Variants in UGGT2 observed in about 807,000 individuals in gnomAD.
UGGT2 encodes the protein UDP-glucose glycoprotein glucosyltransferase 2, also known as UDP-glucose:glycoprotein glucosyltransferase 2.
Under a neutral mutation model 192.1 loss-of-function variants are expected in UGGT2, and 180 were observed. The ratio of observed to expected loss-of-function variants is 0.94; its 90% confidence interval spans 0.83 to 1.06. UGGT2 has a LOEUF of 1.06. UGGT2 is among the 50% of genes least tolerant of loss of function. The probability of loss-of-function intolerance (pLI) is 0.00; values close to 1 mark genes in which losing one functional copy is unlikely to be tolerated. For missense variants in UGGT2, 1,849 were observed against 1,795.7 expected (o/e 1.03, Z -0.54); for synonymous variants, 580 against 591.0 (o/e 0.98, Z 0.27).
At chr13:96,051,077 C>T (rs1315302077) in intron 1 of UGGT2, among the ~76,000 whole-genome samples, 3 of 152,134 alleles carry the variant, frequency 2.0e-5, no homozygotes, top group African/African-American at 7.2e-5. Context: ...GACTTGGAAC[C>T]AACCCAAATG....
At chr13:95,815,342 C>A (rs1334802672) in intron 38 of UGGT2, among the ~76,000 whole-genome samples, 1 of 152,034 alleles carries the variant, frequency 6.6e-6, no homozygotes, top group Non-Finnish European at 1.5e-5. Context: ...ATAACAGGAC[C>A]CATTATGAAA....
intron 38 of UGGT2, among the ~76,000 whole-genome samples, chr13:95,804,335 C>T (rs1884203666): frequency 6.6e-6 from 1 of 152,030 alleles, no homozygotes; most frequent in African/African-American, 2.4e-5. Context: ...GAAAGACATT[C>T]CACATTCATG....
chr13:95,905,160 A>G (rs2048244988), intron 20 of UGGT2, among the ~76,000 whole-genome samples: 1 of 151,972 alleles, frequency 6.6e-6, no homozygotes, highest in South Asian at 2.1e-4. Flanking sequence ...TTTTTCGTGT[A>G]AATTTGTTTG....
chr13:96,023,560 T>C (rs2052576991), intron 3 of UGGT2, 69 bp downstream of exon 3: 9 of 1,456,026 alleles, frequency 6.2e-6, no homozygotes, highest in African/African-American at 1.4e-5. Context: ...AAGATGTTCA[T>C]ATTAAAGAAC....
At chr13:95,963,732 C>A (rs956255920) in intron 12 of UGGT2, among the ~76,000 whole-genome samples, 1 of 151,974 alleles carries the variant, frequency 6.6e-6, no homozygotes, top group Non-Finnish European at 1.5e-5. Flanking sequence ...TGTTTCTATA[C>A]ACAAATAATG....
intron 38 of UGGT2, among the ~76,000 whole-genome samples, chr13:95,815,726 C>T (rs904315174): frequency 1.3e-5 from 2 of 152,094 alleles, no homozygotes; most frequent in Non-Finnish European, 2.9e-5. Flanking sequence ...GAGCAAAAAT[C>T]TTGAATAGGC....
At chr13:96,043,355 C>T (rs1403187280) in intron 1 of UGGT2, among the ~76,000 whole-genome samples, 1 of 152,142 alleles carries the variant, frequency 6.6e-6, no homozygotes, top group Non-Finnish European at 1.5e-5. Flanking sequence ...ACCACAAGAA[C>T]TGCTAAAAGG....
intron 20 of UGGT2, among the ~76,000 whole-genome samples, chr13:95,904,624 CTCA>C (rs1330813093): frequency 6.6e-6 from 1 of 152,022 alleles, no homozygotes; most frequent in African/African-American, 2.4e-5. Flanking sequence ...AGGACATGAA[CTCA>C]TCATTTTTTA....
chr13:95,999,066 CA>C, intron 6 of UGGT2, 144 bp downstream of exon 6: 1 of 519,422 alleles, frequency 1.9e-6, no homozygotes, highest in Admixed American at 3.3e-5. Context: ...AATTTAATTC[CA>C]AATTTTAATG....
chr13:95,826,792 C>G (rs1594084855), intron 38 of UGGT2, among the ~76,000 whole-genome samples: 1 of 140,366 alleles, frequency 7.1e-6, no homozygotes, highest in Admixed American at 7.1e-5. Context: ...CTTTCTCTGA[C>G]CATCCCACAC....
intron 5 of UGGT2, 49 bp downstream of exon 5, chr13:96,013,258 T>C (rs746763300): frequency 1.3e-6 from 2 of 1,497,100 alleles, no homozygotes; most frequent in East Asian, 2.5e-5. Flanking sequence ...ATCATAATAA[T>C]TGTTTTTTTC....
At chr13:95,965,616 T>G (rs1020122351) in intron 12 of UGGT2, among the ~76,000 whole-genome samples, 1 of 145,014 alleles carries the variant, frequency 6.9e-6, no homozygotes, top group African/African-American at 2.5e-5. Flanking sequence ...GGGGGAGGAA[T>G]AGCATTAGGT....
chr13:96,026,719 C>A (rs929734745), intron 2 of UGGT2, among the ~76,000 whole-genome samples: 1 of 138,850 alleles, frequency 7.2e-6, no homozygotes, highest in African/African-American at 2.7e-5. Context: ...GGTCGGACTG[C>A]GGACTGCAGT....
At chr13:95,915,414 C>T (rs535881191) in intron 20 of UGGT2, among the ~76,000 whole-genome samples, 2 of 152,298 alleles carry the variant, frequency 1.3e-5, no homozygotes, top group East Asian at 1.9e-4. Flanking sequence ...ATGCACGCTA[C>T]CCCTGCTAAA....
intron 20 of UGGT2, among the ~76,000 whole-genome samples, chr13:95,912,380 T>C (rs773942118): frequency 5.9e-5 from 9 of 152,196 alleles, no homozygotes; most frequent in Non-Finnish European, 1.2e-4. Context: ...ATAAGCAACT[T>C]CAGCAAAGTC....
chr13:95,974,063 T>G (rs1209937566), intron 10 of UGGT2, among the ~76,000 whole-genome samples: 6 of 152,176 alleles, frequency 3.9e-5, no homozygotes, highest in Admixed American at 3.9e-4. Flanking sequence ...TTGAAGAGAT[T>G]CAGAGAAAGC....
intron 12 of UGGT2, among the ~76,000 whole-genome samples, chr13:95,958,642 T>C (rs2050288798): frequency 6.6e-6 from 1 of 151,590 alleles, no homozygotes; most frequent in South Asian, 2.1e-4. Flanking sequence ...GCTGAATAGA[T>C]GTATCTGCTA....
chr13:95,825,433 A>C (rs1885928171), intron 38 of UGGT2, among the ~76,000 whole-genome samples: 1 of 152,120 alleles, frequency 6.6e-6, no homozygotes, highest in South Asian at 2.1e-4. Context: ...CCAAGCAAGA[A>C]AGCTATCCAA....
chr13:95,984,782 T>G (rs530496587), intron 9 of UGGT2: 1 of 152,332 alleles, frequency 6.6e-6, no homozygotes, highest in East Asian at 1.9e-4. Context: ...ATTAAAAGAT[T>G]GTTAATGCAA....
Sources: allele counts gnomAD v4.1 joint callset (sites outside exome capture counted in the v4.1 genomes callset), GRCh38; gene constraint gnomAD v4.1.1; transcripts MANE v1.5; gene names NCBI Gene and HGNC (gene_info 2026-07-23, HGNC 2026-07-21).